SAMD4A: variants seen among roughly 807,000 people sequenced by gnomAD.
The protein encoded by SAMD4A is protein Smaug homolog 1.
A neutral mutation model predicts 81.3 loss-of-function variants in SAMD4A; 33 were observed. The observed-to-expected ratio is 0.41, with a 90% CI of 0.31 to 0.54. The LOEUF (loss-of-function observed/expected upper bound fraction) is 0.54. SAMD4A is among the 20% of genes least tolerant of loss of function. SAMD4A has a pLI of 0.37. For synonymous variants in SAMD4A, 389 were observed against 382.1 expected (o/e 1.02, Z -0.21); for missense variants, 854 against 951.1 (o/e 0.90, Z 1.34).
intron 2 of SAMD4A, among the ~76,000 whole-genome samples, chr14:54,586,480 T>G (rs1312218199): frequency 6.6e-6 from 1 of 152,226 alleles, no homozygotes; most frequent in African/African-American, 2.4e-5. Flanking sequence ...GCTTTTGGGT[T>G]CTTGATCATG....
In SAMD4A at chr14:54,702,549, A is replaced by G. The variant is rs1427648374; in HGVS notation, c.684A>G (p.Thr228=). The G allele has an allele frequency of 6.2e-7, 1 of 1,614,092 alleles. No individual in the cohort carries two copies. Residue 228 remains threonine, a synonymous_variant, in exon 3 of 13, where the codon ACA becomes ACG. Coordinates refer to ENST00000554335, the MANE Select transcript of SAMD4A (RefSeq NM_015589.6). ...ACTCCTCCTCATCTGTCCCCACCAC[A>G]ATCAATACGATTGGAACCAGCACAA... The part of the protein sequence containing the change: ...PLYSSSSVPT[T]INTIGTSTST...
chr14:54,664,852 T>C (rs2035723543), intron 2 of SAMD4A, among the ~76,000 whole-genome samples: 1 of 131,050 alleles, frequency 7.6e-6, no homozygotes. Context: ...CACACACACT[T>C]CCTTAAAATA....
chr14:54,788,311 G>A (rs1410689083), intron 12 of SAMD4A, among the ~76,000 whole-genome samples: 3 of 152,140 alleles, frequency 2.0e-5, no homozygotes, highest in African/African-American at 4.8e-5. Context: ...AGGGATGTGA[G>A]CTAGACAGGT....
chr14:54,657,877 T>C (rs2035556210), intron 2 of SAMD4A, among the ~76,000 whole-genome samples: 1 of 152,222 alleles, frequency 6.6e-6, no homozygotes, highest in Admixed American at 6.5e-5. Context: ...TGAGATCCCA[T>C]CTATCCCAGG....
intron 2 of SAMD4A, among the ~76,000 whole-genome samples, chr14:54,656,517 A>G (rs890069770): frequency 3.3e-5 from 5 of 152,202 alleles, no homozygotes; most frequent in African/African-American, 9.6e-5. Flanking sequence ...CCAAGTACCA[A>G]CCTGTCTGCC....
intron 3 of SAMD4A, among the ~76,000 whole-genome samples, chr14:54,711,752 C>G (rs2036994480): frequency 1.3e-5 from 2 of 151,912 alleles, no homozygotes; most frequent in African/African-American, 2.4e-5. Context: ...TGCTAGGCCT[C>G]ATAGAGCCAA....
intron 2 of SAMD4A, among the ~76,000 whole-genome samples, chr14:54,626,055 T>TGC (rs1360303148): frequency 0.013 from 1,422 of 108,066 alleles, 10 homozygotes; most frequent in Middle Eastern, 0.029. Context: ...TGTGTGTGTG[T>TGC]GTGTGCGCGC....
chr14:54,569,910 T>A lies in SAMD4A; in HGVS notation c.196+1798T>A, dbSNP rs2033078500. Among the ~76,000 whole-genome samples the A allele has an allele frequency of 1.3e-5, 2 of 152,184 alleles. 1 individual carries two copies. The highest frequency in any genetic ancestry group is 4.1e-4 in the South Asian group (2 of 4,836). On this transcript the variant is annotated intron_variant, in intron 2 of 12. Transcript: ENST00000554335. ...GCCACCAGGTTAGTAAGTAAAACAG[T>A]TAAATGTTAAAATAAGGTGGCCTAA...
At chr14:54,639,260 G>A (rs965437492) in intron 2 of SAMD4A, among the ~76,000 whole-genome samples, 1 of 152,180 alleles carries the variant, frequency 6.6e-6, no homozygotes, top group African/African-American at 2.4e-5. Context: ...CGAAATAACC[G>A]GCAGCTGTTA....
intron 2 of SAMD4A, chr14:54,668,695 A>G (rs772455957): frequency 1.3e-5 from 2 of 152,268 alleles, no homozygotes; most frequent in Non-Finnish European, 2.9e-5. Flanking sequence ...GTTAACACCT[A>G]TGTGGCACTT....
chr14:54,639,768 AG>A (rs879794266), intron 2 of SAMD4A, among the ~76,000 whole-genome samples: 38,499 of 151,530 alleles, frequency 0.25, 5,231 homozygotes, highest in East Asian at 0.48. Context: ...TACCTCGAGC[AG>A]ATGTTCTGAA....
intron 3 of SAMD4A, among the ~76,000 whole-genome samples, chr14:54,717,742 T>C (rs577183457): frequency 6.6e-6 from 1 of 152,284 alleles, no homozygotes; most frequent in African/African-American, 2.4e-5. Context: ...TGATTGAGGC[T>C]AGGCAGTCCC....
intron 9 of SAMD4A, among the ~76,000 whole-genome samples, chr14:54,770,548 AG>A (rs1482077579): frequency 1.3e-5 from 2 of 152,254 alleles, no homozygotes; most frequent in Non-Finnish European, 2.9e-5. Flanking sequence ...TACCCACAAA[AG>A]GGGGATCTGA....
intron 2 of SAMD4A, among the ~76,000 whole-genome samples, chr14:54,686,915 G>A (rs530775847): frequency 3.9e-5 from 6 of 152,236 alleles, no homozygotes; most frequent in Non-Finnish European, 8.8e-5. Flanking sequence ...GCTGGGAGTT[G>A]CTCCCTGCCC....
rs985341539 is a variant in SAMD4A, at chr14:54,674,951, C to T, written c.197-27111C>T. 1.1e-4 allele frequency among the ~76,000 whole-genome samples: 17 copies of T among 152,294 alleles called. 1 individual carries two copies. Among genetic ancestry groups the T allele is most frequent in the African/African-American group, 3.4e-4 (14 of 41,576 alleles). ...TATTTTTTGTAGAGATGAGGTCTCA[C>T]TGTGTTGCCCAGGCTGCTCTCGAGC... On this transcript the variant is annotated intron_variant, in intron 2 of 12. Transcript: ENST00000554335.
intron 2 of SAMD4A, among the ~76,000 whole-genome samples, chr14:54,695,953 GAAAAAAAAAAAAAA>G (rs35817270): frequency 1.3e-5 from 1 of 78,280 alleles, no homozygotes; most frequent in African/African-American, 5.5e-5. Context: ...CTCCATCTCA[GAAAAAAAAAAAAAA>G]AAAAAAGAAA....
intron 11 of SAMD4A, 40 bp from the exon 12 acceptor site, chr14:54,784,497 T>C (rs1393856533): frequency 1.2e-6 from 2 of 1,613,436 alleles, no homozygotes; most frequent in East Asian, 4.5e-5. Flanking sequence ...ACCCTGCTTA[T>C]CTCCTCCTTG....
At chr14:54,613,339 G>A (rs186535668) in intron 2 of SAMD4A, among the ~76,000 whole-genome samples, 2 of 152,280 alleles carry the variant, frequency 1.3e-5, no homozygotes, top group Admixed American at 1.3e-4. Context: ...AGCAGGTTAG[G>A]GTGAAATGAA....
chr14:54,725,524 C>A (rs766024611), intron 3 of SAMD4A, among the ~76,000 whole-genome samples: 3 of 152,206 alleles, frequency 2.0e-5, no homozygotes, highest in Non-Finnish European at 4.4e-5. Flanking sequence ...ATCTGTGAAA[C>A]ACTATCAAGT....
Sources: gnomAD v4.1 joint callset for allele counts (sites outside exome capture counted in the v4.1 genomes callset) on GRCh38, gnomAD v4.1.1 for gene constraint, MANE v1.5 for transcripts, NCBI Gene and HGNC (gene_info 2026-07-23, HGNC 2026-07-21) for gene names.